TRAPPC9: variants seen among roughly 807,000 people sequenced by gnomAD.
TRAPPC9 encodes the protein IKK2 binding protein.
TRAPPC9 carries 83 observed loss-of-function variants against 124.0 expected under a neutral mutation model. The observed-to-expected ratio is 0.67, with a 90% CI of 0.56 to 0.80. The LOEUF is 0.80. Among genes scored for constraint, TRAPPC9 ranks in the 30% least tolerant of loss-of-function variants. The pLI is 0.00. For missense variants in TRAPPC9, 1,302 were observed against 1,508.3 expected (o/e 0.86, Z 2.27); for synonymous variants, 638 against 617.5 (o/e 1.03, Z -0.49).
intron 21 of TRAPPC9, among the ~76,000 whole-genome samples, chr8:139,879,581 C>T (rs931551461): frequency 1.3e-5 from 2 of 152,202 alleles, no homozygotes; most frequent in African/African-American, 2.4e-5. Flanking sequence ...AGAGCCATCT[C>T]CCCTCCTCCC....
intron 8 of TRAPPC9, among the ~76,000 whole-genome samples, chr8:140,369,813 G>A (rs1478296559): frequency 2.6e-5 from 4 of 152,068 alleles, no homozygotes; most frequent in Admixed American, 1.3e-4. Flanking sequence ...TTAGCTGGGC[G>A]TGGTAGCACG....
intron 11 of TRAPPC9, among the ~76,000 whole-genome samples, chr8:140,294,853 C>T (rs2065761931): frequency 6.6e-6 from 1 of 152,072 alleles, no homozygotes; most frequent in Admixed American, 6.6e-5. Context: ...TCAACTAATC[C>T]CCCCCACCTT....
At chr8:140,174,057 G>T (rs1376046495) in intron 17 of TRAPPC9, among the ~76,000 whole-genome samples, 3 of 152,168 alleles carry the variant, frequency 2.0e-5, no homozygotes, top group Admixed American at 2.0e-4. Flanking sequence ...ACATGAGTTT[G>T]GGGGGTAAAG....
At chr8:140,071,788 T>C (rs1251096682) in intron 17 of TRAPPC9, among the ~76,000 whole-genome samples, 1 of 152,196 alleles carries the variant, frequency 6.6e-6, no homozygotes, top group Non-Finnish European at 1.5e-5. Context: ...ACAAAAGCTC[T>C]GAGCAAATTG....
At chr8:139,877,711 C>A (rs938351711) in intron 21 of TRAPPC9, among the ~76,000 whole-genome samples, 1 of 152,212 alleles carries the variant, frequency 6.6e-6, no homozygotes, top group East Asian at 1.9e-4. Context: ...CCTCTGTGAG[C>A]CTGAGGAACA....
chr8:140,060,774 T>G (rs1174805790), intron 17 of TRAPPC9, among the ~76,000 whole-genome samples: 3 of 152,200 alleles, frequency 2.0e-5, no homozygotes, highest in Admixed American at 2.0e-4. Flanking sequence ...CTTATTTAAT[T>G]CATCCCCCCA....
At chr8:140,022,772 C>G (rs906843542) in intron 18 of TRAPPC9, among the ~76,000 whole-genome samples, 2 of 152,148 alleles carry the variant, frequency 1.3e-5, no homozygotes, top group African/African-American at 4.8e-5. Context: ...AGAGGCGGGT[C>G]TTGGCAGGAA....
At chr8:139,748,388 G>T (rs1230829618) in intron 21 of TRAPPC9, among the ~76,000 whole-genome samples, 1 of 123,668 alleles carries the variant, frequency 8.1e-6, no homozygotes, top group Non-Finnish European at 1.7e-5. Flanking sequence ...GGGGCGTACA[G>T]GGGTCAGAGC....
At chr8:139,891,596 G>T (rs1830347992) in intron 20 of TRAPPC9, among the ~76,000 whole-genome samples, 1 of 152,246 alleles carries the variant, frequency 6.6e-6, no homozygotes, top group African/African-American at 2.4e-5. Flanking sequence ...CTGGTCTGGT[G>T]GCCACGGGCC....
Position 139,768,448 on chromosome 8 carries a change from G to A in TRAPPC9, c.3056-36246C>T, listed in dbSNP as rs991043419. On this transcript the variant is annotated intron_variant, in intron 21 of 22. Coordinates refer to ENST00000438773, the MANE Select transcript of TRAPPC9 (RefSeq NM_001160372.4). ...CCAGGCCCTGCGGGCCACACCGACT[G>A]CGCTGGCCTGGAAGACCCTGGCCAT... Among the ~76,000 whole-genome samples, 5 of 152,336 alleles carry A rather than the reference G, an allele frequency of 3.3e-5. 1 individual carries two copies. The highest frequency in any genetic ancestry group is 6.8e-3 in the Middle Eastern group (2 of 294).
chr8:140,272,135 G>GTGATGGTGATGA lies in TRAPPC9; in HGVS notation c.2278+3522_2278+3523insTCATCACCATCA, dbSNP rs1563903632. 9.1e-5 allele frequency among the ~76,000 whole-genome samples: 13 copies of GTGATGGTGATGA among 143,270 alleles called. No homozygotes were observed. The South Asian group carries it at 2.8e-3, about 31-fold the overall frequency. 94.0% of individuals were successfully genotyped at this position (143,270 alleles called of 152,430 possible). A position where few individuals can be genotyped will look rare whatever the true frequency, so the allele number is the denominator to read the frequency against. On this transcript the variant is annotated intron_variant, in intron 15 of 22. Coordinates refer to ENST00000438773, the MANE Select transcript of TRAPPC9 (RefSeq NM_001160372.4). ...GGTGGCAATGGTGATGGTGGCGATGGTGATGGTGATGGTGGTAGCAGTGAT... is the reference window on the plus strand; with the variant it reads ...GGTGGCAATGGTGATGGTGGCGATGGTGATGGTGATGATGATGGTGATGGTGGTAGCAGTGAT...
chr8:140,221,852 G>GGTTTT (rs1447380958), intron 16 of TRAPPC9, among the ~76,000 whole-genome samples: 1 of 152,116 alleles, frequency 6.6e-6, no homozygotes, highest in Non-Finnish European at 1.5e-5. Context: ...TGCCCAGGCT[G>GGTTTT]GTTTTGTTTT....
intron 17 of TRAPPC9, among the ~76,000 whole-genome samples, chr8:140,094,155 T>C (rs1032693931): frequency 6.6e-6 from 1 of 152,098 alleles, no homozygotes; most frequent in Non-Finnish European, 1.5e-5. Flanking sequence ...CACTCTGAAC[T>C]TAGAATTGCC....
chr8:139,907,981 C>T lies in TRAPPC9; in HGVS notation c.2964+2166G>A, dbSNP rs1355554033. 1.3e-5 allele frequency among the ~76,000 whole-genome samples: 2 copies of T among 152,124 alleles called. No individual in the cohort carries two copies. The highest frequency in any genetic ancestry group is 2.4e-5 in the African/African-American group (1 of 41,436). On this transcript the variant is annotated intron_variant, in intron 20 of 22. Transcript: ENST00000438773. This position sits in a 1 kb window ranked among gnomAD's most constrained non-coding sequence, Gnocchi z 4.7. ...AGACGGGAAGACAGGATAATGAAAC[C>T]GCCCCAGGAGTCAGGTTGCCGACAA...
chr8:140,292,238 C>G (rs887722566), intron 11 of TRAPPC9, among the ~76,000 whole-genome samples: 16 of 152,162 alleles, frequency 1.1e-4, no homozygotes, highest in African/African-American at 3.1e-4. Flanking sequence ...CACTTCCACA[C>G]AGGTTATCTC....
chr8:140,111,731 C>T (rs2060779765), intron 17 of TRAPPC9, among the ~76,000 whole-genome samples: 1 of 152,244 alleles, frequency 6.6e-6, no homozygotes, highest in Admixed American at 6.5e-5. Context: ...AGGAAAGACA[C>T]TGACAGCAGG....
chr8:140,155,341 G>A (rs960601341), intron 17 of TRAPPC9, among the ~76,000 whole-genome samples: 47 of 152,144 alleles, frequency 3.1e-4, no homozygotes, highest in Non-Finnish European at 4.9e-4. Context: ...TGGAAGCTGC[G>A]GGTGGTAGCT....
At chr8:139,882,534 G>A (rs1344911167) in intron 21 of TRAPPC9, among the ~76,000 whole-genome samples, 7 of 152,136 alleles carry the variant, frequency 4.6e-5, no homozygotes, top group South Asian at 2.1e-4. Flanking sequence ...GGTCAACAAC[G>A]TCAATGAAAT....
chr8:140,003,835 C>A (rs377422307), intron 18 of TRAPPC9, among the ~76,000 whole-genome samples: 1 of 152,046 alleles, frequency 6.6e-6, no homozygotes, highest in Non-Finnish European at 1.5e-5. Context: ...TCCAGCAATC[C>A]CAGTCTTAGG....
Sources: allele counts gnomAD v4.1 joint callset (sites outside exome capture counted in the v4.1 genomes callset), GRCh38; gene constraint gnomAD v4.1.1; non-coding constraint Gnocchi (gnomAD v3.1); transcripts MANE v1.5; gene names NCBI Gene and HGNC (gene_info 2026-07-23, HGNC 2026-07-21).